The following SH3GL3 variants were observed in gnomAD, a reference collection of about 807,000 sequenced individuals.
The protein encoded by SH3GL3 is endophilin-A3.
In SH3GL3, 33 loss-of-function variants were observed where a neutral mutation model predicts 47.7. That is an observed-to-expected ratio of 0.69 (90% CI 0.52 to 0.92). SH3GL3 has a LOEUF of 0.92. SH3GL3 is among the 40% of genes least tolerant of loss of function. The pLI is 0.00. For synonymous variants in SH3GL3, 155 were observed against 148.8 expected, an observed-to-expected ratio of 1.04 and a Z score of -0.30; for missense variants, 363 against 417.8, an observed-to-expected ratio of 0.87 and a Z score of 1.14.
At chr15:83,483,747 G>T (rs1324479460) in intron 1 of SH3GL3, among the ~76,000 whole-genome samples, 9 of 152,200 alleles carry the variant, frequency 5.9e-5, no homozygotes, top group Admixed American at 4.6e-4. Context: ...GTTGGTAGGG[G>T]CATCTGTAGG....
intron 1 of SH3GL3, among the ~76,000 whole-genome samples, chr15:83,484,582 G>A (rs1275022838): frequency 6.6e-6 from 1 of 150,984 alleles, no homozygotes; most frequent in Non-Finnish European, 1.5e-5. Context: ...TCTTTATTTT[G>A]GTTGTTTTTT....
chr15:83,560,478 C>T (rs1202618960), intron 2 of SH3GL3, among the ~76,000 whole-genome samples: 2 of 151,988 alleles, frequency 1.3e-5, no homozygotes. Flanking sequence ...TTAAAAAAAA[C>T]TCTTAATATA....
chr15:83,598,583 A>G (rs1004120), intron 8 of SH3GL3, among the ~76,000 whole-genome samples: 4 of 152,226 alleles, frequency 2.6e-5, no homozygotes, highest in East Asian at 1.9e-4. Flanking sequence ...AAGACATTCA[A>G]TGCCACTTAT....
At chr15:83,621,980 TACAC>T (rs142805476), downstream of SH3GL3, among the ~76,000 whole-genome samples, 8 of 151,298 alleles carry the variant, frequency 5.3e-5, no homozygotes, top group Non-Finnish European at 1.0e-4. Flanking sequence ...CAGCCAGCTA[TACAC>T]ACACACACAC....
chr15:83,563,640 T>G (rs557730089), intron 2 of SH3GL3, among the ~76,000 whole-genome samples: 2 of 152,106 alleles, frequency 1.3e-5, no homozygotes, highest in African/African-American at 2.4e-5. Flanking sequence ...TTTCCTCTTT[T>G]CCTTCTTTCT....
intron 1 of SH3GL3, among the ~76,000 whole-genome samples, chr15:83,461,276 G>T (rs1419106382): frequency 6.6e-6 from 1 of 152,102 alleles, no homozygotes; most frequent in Non-Finnish European, 1.5e-5. Context: ...TTGAATACAT[G>T]TTTCTGATAA....
At chr15:83,508,229 C>A (rs899952624) in intron 1 of SH3GL3, among the ~76,000 whole-genome samples, 1 of 151,932 alleles carries the variant, frequency 6.6e-6, no homozygotes, top group African/African-American at 2.4e-5. Flanking sequence ...CTTGAGCCAC[C>A]GTGCCCAGCC....
At chr15:83,511,713 T>C (rs1284090388) in intron 1 of SH3GL3, among the ~76,000 whole-genome samples, 3 of 152,176 alleles carry the variant, frequency 2.0e-5, no homozygotes, top group African/African-American at 7.2e-5. Context: ...CAGGATCACA[T>C]TTCCAATTTT....
At chr15:83,548,195 A>G (rs4843142) in intron 1 of SH3GL3, among the ~76,000 whole-genome samples, 18,396 of 151,750 alleles carry the variant, frequency 0.12, 1,247 homozygotes, top group Middle Eastern at 0.2. Context: ...TTGAAATTCT[A>G]CATACATTTA....
chr15:83,620,476 A>C (rs535281772), downstream of SH3GL3, among the ~76,000 whole-genome samples: 1 of 152,250 alleles, frequency 6.6e-6, no homozygotes, highest in Non-Finnish European at 1.5e-5. Context: ...GTTAGTAGGC[A>C]TGAAAACAAC....
At chr15:83,626,156 T>G in the SH3GL3 span, among the ~76,000 whole-genome samples, 1 of 152,156 alleles carries the variant, frequency 6.6e-6, no homozygotes, top group Admixed American at 6.6e-5. Flanking sequence ...AAACACTGTG[T>G]GACTTTCACT....
chr15:83,568,641 C>G lies in SH3GL3; in HGVS notation c.300C>G (p.Tyr100Ter). 1 of 1,613,716 alleles carries G rather than the reference C, an allele frequency of 6.2e-7. No individual in the cohort carries two copies. The highest frequency in any genetic ancestry group is 8.5e-7 in the Non-Finnish European group (1 of 1,179,670). ...TGCTGGGGGACTGTATGCTGAAATA[C>G]GGGAAGGAGCTCGGGGAAGACTCCA... is the stretch of plus-strand genomic sequence containing the variant. ...EGLLGDCMLK[Y>*]GKELGEDSTF... The change falls in exon 4 of 9, where the codon TAC becomes TAG. Residue 100 changes from tyrosine to a stop codon, truncating the protein, a stop_gained. Coordinates refer to ENST00000427482, the MANE Select transcript of SH3GL3 (RefSeq NM_003027.5). LOFTEE classifies it high-confidence loss of function.
intron 1 of SH3GL3, among the ~76,000 whole-genome samples, chr15:83,554,177 G>A (rs1411284514): frequency 6.6e-6 from 1 of 151,708 alleles, no homozygotes; most frequent in Non-Finnish European, 1.5e-5. Context: ...ATAGGCACGT[G>A]CCACCACATC....
rs183389913 is a variant in SH3GL3, at chr15:83,502,784, C to T, written c.45+55206C>T. Reference sequence around the variant, plus strand: ...CACTATGTTGCCCAGGCTGGGGGCTCAAGGTTTTCTCATGGGTTTATTTGC... The same window carrying T: ...CACTATGTTGCCCAGGCTGGGGGCTTAAGGTTTTCTCATGGGTTTATTTGC... On this transcript the variant is annotated intron_variant, in intron 1 of 8. Transcript: ENST00000427482. 2.2e-4 allele frequency among the ~76,000 whole-genome samples: 33 copies of T among 152,252 alleles called. No homozygotes were observed. The East Asian group carries it at 3.5e-3, about 16-fold the overall frequency.
chr15:83,533,991 A>G (rs17158884), intron 1 of SH3GL3, among the ~76,000 whole-genome samples: 7,306 of 152,176 alleles, frequency 0.048, 301 homozygotes, highest in East Asian at 0.12. Flanking sequence ...TTCTGGTCCC[A>G]GGGTTTACCA....
At chr15:83,465,929 A>G (rs2040550465) in intron 1 of SH3GL3, among the ~76,000 whole-genome samples, 1 of 152,184 alleles carries the variant, frequency 6.6e-6, no homozygotes, top group African/African-American at 2.4e-5. Context: ...AAACTATTGT[A>G]CATATCACAA....
intron 1 of SH3GL3, among the ~76,000 whole-genome samples, chr15:83,506,585 T>C (rs2042514644): frequency 6.6e-6 from 1 of 152,194 alleles, no homozygotes; most frequent in African/African-American, 2.4e-5. Context: ...CCCTTTAATA[T>C]TAACATAATT....
chr15:83,562,221 G>A (rs1348716387), intron 2 of SH3GL3, among the ~76,000 whole-genome samples: 2 of 152,080 alleles, frequency 1.3e-5, no homozygotes, highest in Non-Finnish European at 2.9e-5. Context: ...TTTGTAAAGG[G>A]TTTATTTCTA....
At chr15:83,495,587 G>A (rs1425575104) in intron 1 of SH3GL3, among the ~76,000 whole-genome samples, 1 of 152,054 alleles carries the variant, frequency 6.6e-6, no homozygotes, top group Non-Finnish European at 1.5e-5. Flanking sequence ...ATACAAAGAA[G>A]TTAGCTGGGC....
Sources: gnomAD v4.1 joint callset for allele counts (sites outside exome capture counted in the v4.1 genomes callset) on GRCh38, gnomAD v4.1.1 for gene constraint, MANE v1.5 for transcripts, NCBI Gene and HGNC (gene_info 2026-07-23, HGNC 2026-07-21) for gene names.